Variants in ALOX5 observed in about 807,000 individuals in gnomAD.
ALOX5 encodes arachidonate 5-lipoxygenase.
A neutral mutation model predicts 87.9 loss-of-function variants in ALOX5; 64 were observed. The observed-to-expected ratio is 0.73, with a 90% CI of 0.60 to 0.90. The LOEUF (loss-of-function observed/expected upper bound fraction) is 0.90. Ranked by LOEUF, ALOX5 falls within the 40% of genes least tolerant of loss-of-function variation. The pLI is 0.00. For missense variants in ALOX5, 822 were observed against 907.5 expected (o/e 0.91, Z 1.21); for synonymous variants, 388 against 355.1 (o/e 1.09, Z -1.04).
chr10:45,422,593 A>G (rs1841540807), intron 4 of ALOX5, among the ~76,000 whole-genome samples: 2 of 152,234 alleles, frequency 1.3e-5, no homozygotes, highest in African/African-American at 4.8e-5. Context: ...AGTAAAGTGC[A>G]GGCATGACTG....
chr10:45,396,249 T>A (rs1232200010), intron 3 of ALOX5, among the ~76,000 whole-genome samples: 1 of 152,210 alleles, frequency 6.6e-6, no homozygotes, highest in Non-Finnish European at 1.5e-5. Flanking sequence ...TTATGTCTTC[T>A]TATAACAATT....
intron 7 of ALOX5, among the ~76,000 whole-genome samples, chr10:45,435,248 T>C (rs1308743842): frequency 6.6e-6 from 1 of 150,552 alleles, no homozygotes; most frequent in Non-Finnish European, 1.5e-5. Context: ...GCTCTTTTTT[T>C]ACTGGTCAGA....
chr10:45,432,230 C>T (rs1841928203), intron 7 of ALOX5, among the ~76,000 whole-genome samples: 1 of 151,284 alleles, frequency 6.6e-6, no homozygotes. Context: ...TATGGTGGCG[C>T]ATGCCTGTAA....
At chr10:45,411,785 C>T (rs1841073434) in intron 3 of ALOX5, among the ~76,000 whole-genome samples, 1 of 152,228 alleles carries the variant, frequency 6.6e-6, no homozygotes, top group South Asian at 2.1e-4. Context: ...ATCAAGTTGG[C>T]AGAATGGTGG....
At position 45,445,598 on chromosome 10, in the gene ALOX5, G is replaced by A. The variant is rs1488767189; in HGVS notation, c.1936G>A (p.Val646Ile). ...ARFRKNLEAI[V>I]SVIAERNKKK... ...ATTCCGCAAGAACCTCGAGGCCATT[G>A]TCAGCGTGATTGCTGAGCGCAACAA... The change falls in exon 14 of 14, where the codon GTC (valine) becomes ATC (isoleucine). Residue 646 changes from valine to isoleucine, a missense_variant. Physicochemically the swap from Val to Ile is conservative, Grantham distance 29. Coordinates refer to ENST00000374391, the MANE Select transcript of ALOX5 (RefSeq NM_000698.5). 1.2e-5 allele frequency: 19 copies of A among 1,614,034 alleles called. No individual in the cohort carries two copies. Among genetic ancestry groups the A allele is most frequent in the Non-Finnish European group, 1.4e-5 (17 of 1,180,028 alleles).
chr10:45,380,014 C>T (rs962630441), intron 1 of ALOX5, among the ~76,000 whole-genome samples: 16 of 152,262 alleles, frequency 1.1e-4, no homozygotes, highest in African/African-American at 3.4e-4. Context: ...GCAGGCCCGA[C>T]GCGTATCCAG....
chr10:45,382,609 G>A lies in ALOX5; in HGVS notation c.277G>A (p.Gly93Arg), dbSNP rs200927295. The part of the protein sequence containing the change: ...LKYITLKTPH[G>R]DYIEFPCYRW... ...GTACATCACGCTGAAGACGCCCCAC[G>A]GGGACTACATCGAGTTCCCCTGCTA... The change falls in exon 2 of 14, where the codon GGG becomes AGG. Residue 93 changes from glycine to arginine, a missense_variant. Gly to Arg is a moderately radical substitution (Grantham distance 125). Transcript: ENST00000374391. 6 of 1,614,136 alleles carry A rather than the reference G, an allele frequency of 3.7e-6. No homozygotes were observed. Among genetic ancestry groups the A allele is most frequent in the Non-Finnish European group, 5.1e-6 (6 of 1,180,030 alleles).
intron 4 of ALOX5, among the ~76,000 whole-genome samples, chr10:45,415,596 A>G (rs915513774): frequency 1.3e-5 from 2 of 152,078 alleles, no homozygotes; most frequent in African/African-American, 4.8e-5. Flanking sequence ...AAAAAGACAT[A>G]CACGGAAAAA....
intron 4 of ALOX5, among the ~76,000 whole-genome samples, chr10:45,414,924 G>A (rs1841218993): frequency 6.6e-6 from 1 of 152,174 alleles, no homozygotes; most frequent in Non-Finnish European, 1.5e-5. Context: ...TCATTAAAAA[G>A]TCAGGAAACA....
intron 7 of ALOX5, among the ~76,000 whole-genome samples, chr10:45,436,288 T>C (rs1164808683): frequency 6.6e-6 from 1 of 152,250 alleles, no homozygotes; most frequent in Non-Finnish European, 1.5e-5. Flanking sequence ...TTGTTTTTGT[T>C]GCATATGCCT....
intron 2 of ALOX5, among the ~76,000 whole-genome samples, chr10:45,392,560 A>C (rs960389043): frequency 1.3e-5 from 2 of 152,038 alleles, no homozygotes; most frequent in Non-Finnish European, 1.5e-5. Flanking sequence ...ACCCAGGGAC[A>C]CAAACACTGC....
chr10:45,430,221 A>G (rs1841862457), intron 7 of ALOX5, among the ~76,000 whole-genome samples: 1 of 152,200 alleles, frequency 6.6e-6, no homozygotes, highest in African/African-American at 2.4e-5. Flanking sequence ...ATTCCAGTTC[A>G]GCCACTTGCT....
intron 3 of ALOX5, among the ~76,000 whole-genome samples, chr10:45,403,423 A>C: frequency 6.6e-6 from 1 of 152,154 alleles, no homozygotes; most frequent in African/African-American, 2.4e-5. Context: ...AAACAATAAC[A>C]AGAAAATGAT....
chr10:45,428,297 T>G, intron 6 of ALOX5: 1 of 411,196 alleles, frequency 2.4e-6, no homozygotes, highest in Middle Eastern at 6.3e-4. Flanking sequence ...TCACATCTAT[T>G]TCACCTAACC....
At position 45,441,406 on chromosome 10, in the gene ALOX5, C is replaced by T; in HGVS notation, c.1248C>T (p.Ile416=). 1 of 1,613,804 alleles carries T rather than the reference C, an allele frequency of 6.2e-7. No individual in the cohort carries two copies. Among genetic ancestry groups the T allele is most frequent in the South Asian group, 1.1e-5 (1 of 91,050 alleles). Residue 416 remains isoleucine, a synonymous_variant, in exon 9 of 14, where the codon ATC becomes ATT. Transcript: ENST00000374391. ...AINTKAREQL[I]CECGLFDKAN... is the part of the protein sequence containing the mutation. ...ACACCAAGGCCCGTGAGCAGCTCAT[C>T]TGCGAGTGTGGCCTCTTTGACAAGG...
At chr10:45,410,977 C>A (rs1049374397) in intron 3 of ALOX5, among the ~76,000 whole-genome samples, 2 of 152,222 alleles carry the variant, frequency 1.3e-5, no homozygotes, top group Admixed American at 1.3e-4. Context: ...AGCATACTTA[C>A]AGTCACTTCG....
At chr10:45,392,957 A>G (rs867601754) in intron 2 of ALOX5, among the ~76,000 whole-genome samples, 1 of 152,366 alleles carries the variant, frequency 6.6e-6, no homozygotes, top group African/African-American at 2.4e-5. Context: ...TGAGGCAATA[A>G]TTAACAGCCT....
At chr10:45,378,643 C>T (rs1471143670) in intron 1 of ALOX5, among the ~76,000 whole-genome samples, 1 of 152,198 alleles carries the variant, frequency 6.6e-6, no homozygotes, top group Non-Finnish European at 1.5e-5. Context: ...CAGTTTGACA[C>T]ATGTGACCCT....
chr10:45,410,829 C>T (rs1261599739), intron 3 of ALOX5, among the ~76,000 whole-genome samples: 1 of 152,204 alleles, frequency 6.6e-6, no homozygotes, highest in Non-Finnish European at 1.5e-5. Flanking sequence ...CTGATCCAGA[C>T]CCCAAGAGAG....
Sources: allele counts gnomAD v4.1 joint callset (sites outside exome capture counted in the v4.1 genomes callset), GRCh38; gene constraint gnomAD v4.1.1; transcripts MANE v1.5; gene names NCBI Gene and HGNC (gene_info 2026-07-23, HGNC 2026-07-21).